Variants in STXBP5L observed in about 807,000 individuals in gnomAD.
STXBP5L encodes syntaxin binding protein 5L.
STXBP5L carries 65 observed loss-of-function variants against 144.5 expected under a neutral mutation model. The observed-to-expected ratio is 0.45, with a 90% CI of 0.37 to 0.55. STXBP5L has a LOEUF of 0.55. Among genes scored for constraint, STXBP5L ranks in the 20% least tolerant of loss-of-function variants. The probability of loss-of-function intolerance (pLI) is 0.00; values close to 1 mark genes in which losing one functional copy is unlikely to be tolerated. For missense variants in STXBP5L, 1,298 were observed against 1,405.5 expected, an observed-to-expected ratio of 0.92 and a Z score of 1.22; for synonymous variants, 505 against 469.6, an observed-to-expected ratio of 1.08 and a Z score of -0.97.
At chr3:121,019,167 A>G (rs745556612) in intron 3 of STXBP5L, among the ~76,000 whole-genome samples, 1 of 152,034 alleles carries the variant, frequency 6.6e-6, no homozygotes, top group East Asian at 1.9e-4. Context: ...CCCGGAATGT[A>G]TCTCCATTGG....
intron 5 of STXBP5L, among the ~76,000 whole-genome samples, chr3:121,051,268 T>C (rs1282238468): frequency 6.6e-6 from 1 of 152,066 alleles, no homozygotes; most frequent in Non-Finnish European, 1.5e-5. Context: ...CCACCCCAAA[T>C]CAACAGAATA....
At chr3:120,982,421 TC>T (rs1941871380) in intron 3 of STXBP5L, among the ~76,000 whole-genome samples, 1 of 152,140 alleles carries the variant, frequency 6.6e-6, no homozygotes. Flanking sequence ...TACTGAGCTC[TC>T]TGAAGGAGGG....
At chr3:121,387,815 T>C (rs1384315828) in intron 22 of STXBP5L, among the ~76,000 whole-genome samples, 4 of 152,222 alleles carry the variant, frequency 2.6e-5, no homozygotes, top group South Asian at 2.1e-4. Flanking sequence ...AGCCTTAATA[T>C]AGTTTGAAGT....
intron 20 of STXBP5L, among the ~76,000 whole-genome samples, chr3:121,361,197 C>A (rs2045702013): frequency 6.6e-6 from 1 of 152,136 alleles, no homozygotes; most frequent in Admixed American, 6.5e-5. Flanking sequence ...TGTTTCTTTT[C>A]TCTTGCTACT....
At chr3:120,929,014 G>A (rs1306407551) in intron 2 of STXBP5L, among the ~76,000 whole-genome samples, 1 of 152,132 alleles carries the variant, frequency 6.6e-6, no homozygotes, top group Non-Finnish European at 1.5e-5. Context: ...GTGAAAAAAG[G>A]GTAAGCTTTA....
rs577339501 is a variant in STXBP5L, at chr3:120,975,434, A to G, written c.287+20397A>G. 2.6e-4 allele frequency among the ~76,000 whole-genome samples: 39 copies of G among 152,322 alleles called. No homozygotes were observed. The East Asian group carries it at 6.4e-3, about 25-fold the overall frequency. On this transcript the variant is annotated intron_variant, in intron 3 of 26. Coordinates refer to ENST00000471454, the MANE Select transcript of STXBP5L (RefSeq NM_001308330.2). ...GCTGAAGTTGCTTATCAGCTTAAGG[A>G]GATTTTGGGCTGAGACAATGGGGTT...
intron 7 of STXBP5L, among the ~76,000 whole-genome samples, chr3:121,136,494 A>G (rs1577041328): frequency 6.6e-6 from 1 of 152,222 alleles, no homozygotes; most frequent in Admixed American, 6.5e-5. Context: ...ATCACTAATC[A>G]TTAGGGAGAT....
At chr3:121,023,155 C>CAA (rs34550471) in intron 3 of STXBP5L, among the ~76,000 whole-genome samples, 19 of 143,716 alleles carry the variant, frequency 1.3e-4, no homozygotes, top group South Asian at 2.2e-4. Flanking sequence ...ACAATAGTTG[C>CAA]AAAAAAAAAA....
At chr3:121,292,213 T>A (rs2051465844) in intron 19 of STXBP5L, among the ~76,000 whole-genome samples, 2 of 151,474 alleles carry the variant, frequency 1.3e-5, no homozygotes, top group Admixed American at 6.6e-5. Context: ...AATCAAATAA[T>A]CCCATCAAAA....
At chr3:120,953,469 C>T (rs955566800) in intron 2 of STXBP5L, among the ~76,000 whole-genome samples, 5 of 150,530 alleles carry the variant, frequency 3.3e-5, no homozygotes, top group Admixed American at 6.7e-5. Flanking sequence ...GCTGGGACTG[C>T]AGGTGTGCGC....
At chr3:121,375,633 A>C (rs1165053182) in intron 20 of STXBP5L, among the ~76,000 whole-genome samples, 1 of 152,230 alleles carries the variant, frequency 6.6e-6, no homozygotes, top group African/African-American at 2.4e-5. Flanking sequence ...CCAGCATTTA[A>C]GTGTTTGATA....
chr3:121,312,368 C>CTTTT (rs71619793), intron 19 of STXBP5L, among the ~76,000 whole-genome samples: 18 of 60,098 alleles, frequency 3.0e-4, no homozygotes, highest in African/African-American at 1.0e-3. Flanking sequence ...TAAAGAGCTT[C>CTTTT]TTTTTTTTTT....
intron 22 of STXBP5L, among the ~76,000 whole-genome samples, chr3:121,399,181 C>T (rs2046809351): frequency 6.6e-6 from 1 of 152,118 alleles, no homozygotes; most frequent in South Asian, 2.1e-4. Flanking sequence ...TGAAAAAGTT[C>T]CAAGGTGGAA....
At chr3:121,418,740 A>C (rs1253208860) in intron 26 of STXBP5L, among the ~76,000 whole-genome samples, 183 bp downstream of exon 26, 1 of 150,854 alleles carries the variant, frequency 6.6e-6, no homozygotes. Context: ...TTTTTTAAAA[A>C]AATACTTTAA....
chr3:121,189,836 C>T (rs962081719), intron 9 of STXBP5L, among the ~76,000 whole-genome samples: 4 of 151,970 alleles, frequency 2.6e-5, no homozygotes, highest in African/African-American at 9.7e-5. Context: ...AATAAAATGA[C>T]CAACTTAAAA....
At chr3:121,354,036 G>C (rs1354993201) in intron 20 of STXBP5L, among the ~76,000 whole-genome samples, 2 of 152,190 alleles carry the variant, frequency 1.3e-5, no homozygotes, top group South Asian at 2.1e-4. Flanking sequence ...ATTGCACTGT[G>C]GTCTGAGAGA....
At chr3:121,019,184 A>C (rs1269760292) in intron 3 of STXBP5L, among the ~76,000 whole-genome samples, 1 of 152,058 alleles carries the variant, frequency 6.6e-6, no homozygotes, top group Non-Finnish European at 1.5e-5. Flanking sequence ...TTGGCCTGAA[A>C]ACCACACCCC....
chr3:121,014,473 A>G (rs1020784402), intron 3 of STXBP5L, among the ~76,000 whole-genome samples: 3 of 151,974 alleles, frequency 2.0e-5, no homozygotes, highest in Admixed American at 6.6e-5. Flanking sequence ...TTGTAGTTCA[A>G]GACTTATTTA....
chr3:121,068,624 A>G (rs2041661310), intron 5 of STXBP5L, among the ~76,000 whole-genome samples: 1 of 151,968 alleles, frequency 6.6e-6, no homozygotes, highest in Non-Finnish European at 1.5e-5. Context: ...TCTATTTACC[A>G]TCCCTGTTGC....
Sources: gnomAD v4.1 joint callset for allele counts (sites outside exome capture counted in the v4.1 genomes callset) on GRCh38, gnomAD v4.1.1 for gene constraint, MANE v1.5 for transcripts, NCBI Gene and HGNC (gene_info 2026-07-23, HGNC 2026-07-21) for gene names.